The following HTR4 variants were observed in gnomAD, a reference collection of about 807,000 sequenced individuals.
HTR4 encodes the protein 5-hydroxytryptamine receptor 4, also known as 5-hydroxytryptamine (serotonin) receptor 4, G protein-coupled.
Under a neutral mutation model 36.8 loss-of-function variants are expected in HTR4, and 16 were observed. That is an observed-to-expected ratio of 0.43 (90% CI 0.29 to 0.66). The LOEUF is 0.66. HTR4 is among the 30% of genes least tolerant of loss of function. HTR4 has a pLI of 0.13. For missense variants in HTR4, 438 were observed against 490.9 expected, an observed-to-expected ratio of 0.89 and a Z score of 1.02; for synonymous variants, 189 against 185.1, an observed-to-expected ratio of 1.02 and a Z score of -0.17.
intron 1 of HTR4, among the ~76,000 whole-genome samples, chr5:148,651,950 T>G (rs1053799320): frequency 5.3e-5 from 8 of 152,176 alleles, no homozygotes; most frequent in Non-Finnish European, 1.0e-4. Context: ...AGATTCTAGC[T>G]GAAATCATTC....
At chr5:148,458,202 T>A (rs1043493845) in intron 5 of HTR4, among the ~76,000 whole-genome samples, 1 of 149,324 alleles carries the variant, frequency 6.7e-6, no homozygotes, top group South Asian at 2.1e-4. Flanking sequence ...ATCATTAAAA[T>A]ATAAAGTGCC....
At position 148,522,354 on chromosome 5, in the gene HTR4, G is replaced by A. The variant is rs1440931335; in HGVS notation, c.507+839C>T. Among the ~76,000 whole-genome samples, 3 of 152,144 alleles carry A rather than the reference G, an allele frequency of 2.0e-5. No individual in the cohort carries two copies. In the East Asian group the frequency reaches 5.8e-4, roughly 29 times the overall value. On this transcript the variant is annotated intron_variant, in intron 5 of 6. Transcript: ENST00000377888. ...GGGGCAAATGACATGCCTCAGGCAT[G>A]TCTAAGCAAAGTCTAAGCTTTGAAT...
chr5:148,596,474 C>G (rs1761777468), intron 2 of HTR4, among the ~76,000 whole-genome samples: 1 of 152,154 alleles, frequency 6.6e-6, no homozygotes, highest in Non-Finnish European at 1.5e-5. Context: ...TATTATCCCC[C>G]CATTCCCGTT....
intron 2 of HTR4, among the ~76,000 whole-genome samples, chr5:148,569,245 T>C (rs1760577241): frequency 6.6e-6 from 1 of 151,958 alleles, no homozygotes; most frequent in South Asian, 2.1e-4. Context: ...AATAGAGCCA[T>C]TAACACAGGA....
At chr5:148,530,745 T>C (rs1160546954) in intron 4 of HTR4, among the ~76,000 whole-genome samples, 1 of 152,168 alleles carries the variant, frequency 6.6e-6, no homozygotes, top group Non-Finnish European at 1.5e-5. Context: ...ACTGTGCACC[T>C]TGAAAAGCTG....
downstream of HTR4, among the ~76,000 whole-genome samples, chr5:148,472,175 G>A (rs1755585591): frequency 6.6e-6 from 1 of 152,184 alleles, no homozygotes; most frequent in Non-Finnish European, 1.5e-5. Context: ...GCAATACAGA[G>A]TCTCTTCCAT....
intron 4 of HTR4, among the ~76,000 whole-genome samples, chr5:148,539,529 AG>A (rs1437306757): frequency 2.6e-5 from 4 of 152,192 alleles, no homozygotes; most frequent in African/African-American, 9.6e-5. Flanking sequence ...ACAATAAAAA[AG>A]TCAAACAACC....
chr5:148,623,903 A>C (rs1752997570), intron 2 of HTR4, among the ~76,000 whole-genome samples: 1 of 152,238 alleles, frequency 6.6e-6, no homozygotes, highest in Non-Finnish European at 1.5e-5. Flanking sequence ...AGAAACAGAA[A>C]GGTTATTAAA....
rs201078356 is a variant in HTR4, at chr5:148,509,807, G to A, written c.725C>T (p.Ser242Leu). 4.5e-5 allele frequency: 72 copies of A among 1,613,846 alleles called. No individual in the cohort carries two copies. The highest frequency in any genetic ancestry group is 1.4e-4 in the South Asian group (13 of 91,076). The part of the protein sequence containing the change: ...AGASSESRPQ[S>L]ADQHSTHRMR... ...GCGATGAGTGCTATGCTGGTCTGCC[G>A]ACTGAGGCCTGCTCTCGGAGGAGGC... Residue 242 changes from serine (S) to leucine (L), a missense_variant, in exon 6 of 7, where the codon TCG becomes TTG. By Grantham distance (145) the Ser-to-Leu change is moderately radical. Coordinates refer to ENST00000377888, the MANE Select transcript of HTR4 (RefSeq NM_000870.7).
rs1474296214 is a variant in HTR4 at position 148,568,435 on chromosome 5, T to A, written c.27-18173A>T. 3.3e-5 allele frequency among the ~76,000 whole-genome samples: 5 copies of A among 152,134 alleles called. No homozygotes were observed. In the South Asian group the frequency reaches 1.0e-3, roughly 31 times the overall value. ...GAACCAATCAATATTTATTACTTATTTACCATGCTTGGCCATGGAGCTATA... is the reference window on the plus strand; with the variant it reads ...GAACCAATCAATATTTATTACTTATATACCATGCTTGGCCATGGAGCTATA... On this transcript the variant is annotated intron_variant, in intron 2 of 6. Coordinates refer to ENST00000377888, the MANE Select transcript of HTR4 (RefSeq NM_000870.7).
intron 2 of HTR4, among the ~76,000 whole-genome samples, chr5:148,567,310 T>C (rs1354980092): frequency 2.0e-5 from 3 of 152,176 alleles, no homozygotes; most frequent in Non-Finnish European, 4.4e-5. Flanking sequence ...CTAATATTAG[T>C]GCAAGCCACT....
chr5:148,541,021 T>C (rs896888110), intron 4 of HTR4, among the ~76,000 whole-genome samples: 2 of 152,236 alleles, frequency 1.3e-5, no homozygotes, highest in African/African-American at 2.4e-5. Flanking sequence ...TGCACTGGTC[T>C]ATGCATTATT....
intron 2 of HTR4, among the ~76,000 whole-genome samples, chr5:148,558,482 A>C (rs1018290634): frequency 6.6e-6 from 1 of 152,168 alleles, no homozygotes; most frequent in Non-Finnish European, 1.5e-5. Flanking sequence ...AAAGATACTC[A>C]CCAGTTTTAC....
At chr5:148,525,708 CAT>C (rs1330277371) in intron 4 of HTR4, among the ~76,000 whole-genome samples, 3 of 152,198 alleles carry the variant, frequency 2.0e-5, no homozygotes, top group Non-Finnish European at 4.4e-5. Flanking sequence ...TAAACCACCT[CAT>C]ATATTTCCAA....
chr5:148,557,720 C>A (rs1053382559), intron 2 of HTR4, among the ~76,000 whole-genome samples: 2 of 150,118 alleles, frequency 1.3e-5, no homozygotes, highest in Admixed American at 6.7e-5. Flanking sequence ...TTTTGGAAGC[C>A]AAGAGGAACA....
intron 2 of HTR4, among the ~76,000 whole-genome samples, chr5:148,588,527 C>CTTTTT (rs35749777): frequency 2.6e-4 from 29 of 110,140 alleles, no homozygotes; most frequent in Non-Finnish European, 3.2e-4. Context: ...GGTTTTAATT[C>CTTTTT]TTTTTTTTTT....
intron 2 of HTR4, among the ~76,000 whole-genome samples, chr5:148,557,479 G>A (rs1177595323): frequency 6.6e-6 from 1 of 152,134 alleles, no homozygotes; most frequent in African/African-American, 2.4e-5. Flanking sequence ...TAGGCAATTG[G>A]ATGTATGTGT....
chr5:148,577,047 G>A (rs1185677174), intron 2 of HTR4, among the ~76,000 whole-genome samples: 1 of 152,050 alleles, frequency 6.6e-6, no homozygotes, highest in African/African-American at 2.4e-5. Context: ...CCTACAGAAT[G>A]GGAGAAAATA....
At chr5:148,535,098 C>A (rs894289141) in intron 4 of HTR4, among the ~76,000 whole-genome samples, 4 of 152,164 alleles carry the variant, frequency 2.6e-5, no homozygotes, top group Admixed American at 2.6e-4. Flanking sequence ...CAGGACCACA[C>A]CTCGAAGCTT....
Sources: gnomAD v4.1 joint callset for allele counts (sites outside exome capture counted in the v4.1 genomes callset) on GRCh38, gnomAD v4.1.1 for gene constraint, MANE v1.5 for transcripts, NCBI Gene and HGNC (gene_info 2026-07-23, HGNC 2026-07-21) for gene names.